Variants in SCN11A observed in about 807,000 individuals in gnomAD.
SCN11A encodes the protein sodium channel protein type 11 subunit alpha.
A neutral mutation model predicts 162.2 loss-of-function variants in SCN11A; 122 were observed. The ratio of observed to expected loss-of-function variants is 0.75; its 90% CI spans 0.65 to 0.87. The LOEUF is 0.87. SCN11A is among the 40% of genes least tolerant of loss of function. The pLI is 0.00. For synonymous variants in SCN11A, 758 were observed against 751.5 expected (o/e 1.01, Z -0.14); for missense variants, 2,015 against 2,181.6 (o/e 0.92, Z 1.52).
Position 38,846,855 on chromosome 3 carries a change from TAGC to T in SCN11A, c.5212_5214del (p.Ala1738del), listed in dbSNP as rs1171590614. The stretch of plus-strand genomic sequence containing the variant: ...TACTTTCGAAAGGCCTTTTGAATAA[TAGC>T]AGCACCTCTTTCCTCTTCCTTTCTC... On this transcript the variant is annotated inframe_deletion, in exon 30 of 30. Transcript: ENST00000302328. 2.5e-6 allele frequency: 4 copies of T among 1,613,998 alleles called. No individual in the cohort carries two copies. The African/African-American group carries it at 5.3e-5, about 22-fold the overall frequency.
chr3:38,889,425 C>CA (rs1004697644), intron 19 of SCN11A, among the ~76,000 whole-genome samples: 20 of 146,146 alleles, frequency 1.4e-4, no homozygotes, highest in East Asian at 4.1e-4. Flanking sequence ...AACTCCGCCT[C>CA]AAAAAAAAAA....
intron 2 of SCN11A, among the ~76,000 whole-genome samples, chr3:39,014,673 T>C (rs60482552): frequency 0.14 from 21,553 of 152,184 alleles, 1,772 homozygotes; most frequent in African/African-American, 0.22. Context: ...ATGAGTTCTG[T>C]GATTGGAAGT....
intron 2 of SCN11A, among the ~76,000 whole-genome samples, chr3:38,963,390 G>A (rs964494807): frequency 3.2e-3 from 129 of 39,708 alleles, no homozygotes; most frequent in Middle Eastern, 0.028. Flanking sequence ...TATATATGAT[G>A]GAGATATATA....
intron 2 of SCN11A, among the ~76,000 whole-genome samples, chr3:38,984,584 C>T (rs2030168112): frequency 6.6e-6 from 1 of 151,974 alleles, no homozygotes; most frequent in South Asian, 2.1e-4. Flanking sequence ...GATCTTGGCT[C>T]ACTACAACCT....
intron 2 of SCN11A, among the ~76,000 whole-genome samples, chr3:38,988,090 A>G (rs1283848277): frequency 2.0e-5 from 3 of 152,170 alleles, no homozygotes; most frequent in African/African-American, 7.2e-5. Flanking sequence ...GAATTTTAGA[A>G]TGGTGACAAC....
chr3:38,995,518 G>T (rs1394408605), intron 2 of SCN11A, among the ~76,000 whole-genome samples: 2 of 152,198 alleles, frequency 1.3e-5, no homozygotes, highest in African/African-American at 4.8e-5. Context: ...ATGTTGGGAG[G>T]CAGGGAGCAT....
intron 2 of SCN11A, among the ~76,000 whole-genome samples, chr3:39,010,822 G>A (rs2031110181): frequency 6.6e-6 from 1 of 152,234 alleles, no homozygotes; most frequent in Non-Finnish European, 1.5e-5. Context: ...ATGGAAGATT[G>A]TAATACATGT....
chr3:38,927,052 G>T, intron 7 of SCN11A, 121 bp from the exon 8 acceptor site: 1 of 953,820 alleles, frequency 1.0e-6, no homozygotes, highest in Non-Finnish European at 1.6e-6. Context: ...TAACATTCTG[G>T]TCTTCAGCAA....
chr3:39,012,308 A>G (rs1399321629), intron 2 of SCN11A, among the ~76,000 whole-genome samples: 2 of 152,114 alleles, frequency 1.3e-5, no homozygotes, highest in East Asian at 3.9e-4. Context: ...CTGGGCAACA[A>G]GAGTGAAACT....
In SCN11A at chr3:38,870,752, A is replaced by T. The variant is rs1347649303; in HGVS notation, c.3760-8T>A. 2 of 1,612,412 alleles carry T rather than the reference A, an allele frequency of 1.2e-6. No individual in the cohort carries two copies. Among genetic ancestry groups the T allele is most frequent in the Non-Finnish European group, 1.7e-6 (2 of 1,178,566 alleles). On this transcript the variant is annotated splice_region_variant and splice_polypyrimidine_tract_variant and intron_variant, in intron 25 of 29. Coordinates refer to ENST00000302328, the MANE Select transcript of SCN11A (RefSeq NM_001349253.2). ...CCAGCCCTTAAATGTTGCCTGCAACAAAAGCAGAAAAACATGAATAATACA... is the reference window on the plus strand; with the variant it reads ...CCAGCCCTTAAATGTTGCCTGCAACTAAAGCAGAAAAACATGAATAATACA...
chr3:38,919,532 T>C (rs1180622469), intron 11 of SCN11A, among the ~76,000 whole-genome samples: 4 of 152,150 alleles, frequency 2.6e-5, no homozygotes, highest in African/African-American at 4.8e-5. Context: ...TTTGAGGCAA[T>C]AGTTGTCAAC....
intron 7 of SCN11A, among the ~76,000 whole-genome samples, chr3:38,927,803 GA>G (rs2066167880): frequency 6.6e-6 from 1 of 152,130 alleles, no homozygotes; most frequent in South Asian, 2.1e-4. Context: ...TAGCATGGGG[GA>G]AACCCTCGCC....
intron 2 of SCN11A, among the ~76,000 whole-genome samples, chr3:39,004,302 G>A (rs1428107467): frequency 6.6e-6 from 1 of 152,032 alleles, no homozygotes; most frequent in Non-Finnish European, 1.5e-5. Context: ...CCTTACTTTT[G>A]TCAGCTTTGT....
At chr3:38,882,643 G>A (rs72871214) in intron 22 of SCN11A, among the ~76,000 whole-genome samples, 5,917 of 152,200 alleles carry the variant, frequency 0.039, 220 homozygotes, top group East Asian at 0.16. Context: ...GAGCATAAAG[G>A]AGTGGATAGC....
chr3:39,048,722 A>G (rs2032245518), intron 1 of SCN11A, among the ~76,000 whole-genome samples: 2 of 152,348 alleles, frequency 1.3e-5, no homozygotes, highest in South Asian at 4.1e-4. Flanking sequence ...TGAATTGACT[A>G]TGGCTTAAAG....
chr3:38,885,280 C>T lies in SCN11A; in HGVS notation c.3064+8G>A, dbSNP rs1194739906. ...CTGTGAACTGGATGCAGAAATACTG[C>T]CACTTACCTTTGGGCAAACATCTCT... On this transcript the variant is annotated splice_region_variant and intron_variant, in intron 21 of 29. Coordinates refer to ENST00000302328, the MANE Select transcript of SCN11A (RefSeq NM_001349253.2). 2 of 1,504,936 alleles carry T rather than the reference C, an allele frequency of 1.3e-6. No individual in the cohort carries two copies. The highest frequency in any genetic ancestry group is 1.1e-5 in the South Asian group (1 of 88,810). The allele number at this position is 1,504,936 out of a possible 1,614,324, so 93.2% of individuals were successfully genotyped here.
chr3:38,940,057 CATATATAT>C (rs35355665), intron 7 of SCN11A, among the ~76,000 whole-genome samples: 1 of 146,504 alleles, frequency 6.8e-6, no homozygotes, highest in Non-Finnish European at 1.5e-5. Flanking sequence ...GATGTACATA[CATATATAT>C]ATATATATAT....
chr3:38,925,602 G>C, intron 8 of SCN11A, 93 bp from the exon 9 acceptor site: 2 of 853,308 alleles, frequency 2.3e-6, no homozygotes, highest in Non-Finnish European at 3.9e-6. Context: ...CTCAGCCTGA[G>C]GCCTGTGACC....
intron 16 of SCN11A, among the ~76,000 whole-genome samples, 188 bp from the exon 17 acceptor site, chr3:38,900,261 C>A (rs576779719): frequency 6.6e-6 from 1 of 152,282 alleles, no homozygotes; most frequent in East Asian, 1.9e-4. Flanking sequence ...CTTTGCTCCT[C>A]TCTCCATCCC....
Sources: gnomAD v4.1 joint callset for allele counts (sites outside exome capture counted in the v4.1 genomes callset) on GRCh38, gnomAD v4.1.1 for gene constraint, MANE v1.5 for transcripts, NCBI Gene and HGNC (gene_info 2026-07-23, HGNC 2026-07-21) for gene names.